Variants in FRMD4B observed in about 807,000 individuals in gnomAD.
FRMD4B encodes the protein FERM domain containing 4B, also known as FERM domain-containing protein 4B.
FRMD4B carries 74 observed loss-of-function variants against 141.5 expected under a neutral mutation model. The observed-to-expected ratio is 0.52, with a 90% CI of 0.43 to 0.63. The LOEUF (loss-of-function observed/expected upper bound fraction) is 0.63. Ranked by LOEUF, FRMD4B falls within the 30% of genes least tolerant of loss-of-function variation. The pLI is 0.00. For missense variants in FRMD4B, 1,366 were observed against 1,253.4 expected (o/e 1.09, Z -1.36); for synonymous variants, 506 against 467.9 (o/e 1.08, Z -1.05).
chr3:69,425,159 G>T (rs963523214), intron 2 of FRMD4B, among the ~76,000 whole-genome samples: 1 of 152,136 alleles, frequency 6.6e-6, no homozygotes, highest in Non-Finnish European at 1.5e-5. Flanking sequence ...GTATTTCCAT[G>T]ATGCCTTCTT....
intron 13 of FRMD4B, chr3:69,196,694 A>C: frequency 1.7e-6 from 1 of 578,714 alleles, no homozygotes. Context: ...CATGCCAAAA[A>C]GTTGGCCAGT....
intron 5 of FRMD4B, among the ~76,000 whole-genome samples, chr3:69,258,280 T>A (rs1378006716): frequency 6.6e-6 from 1 of 151,632 alleles, no homozygotes; most frequent in East Asian, 2.0e-4. Flanking sequence ...TATTCAGTAT[T>A]TAATTTTTTT....
intron 7 of FRMD4B, among the ~76,000 whole-genome samples, chr3:69,226,009 C>A (rs2107764590): frequency 6.6e-6 from 1 of 152,194 alleles, no homozygotes; most frequent in South Asian, 2.1e-4. Context: ...GCATTATTTA[C>A]CTCATGTAAG....
chr3:69,362,663 T>A (rs6774761), intron 1 of FRMD4B, among the ~76,000 whole-genome samples: 2 of 150,148 alleles, frequency 1.3e-5, no homozygotes, highest in African/African-American at 4.9e-5. Context: ...GGTGACAGAG[T>A]GAGACTCCAT....
intron 5 of FRMD4B, among the ~76,000 whole-genome samples, chr3:69,284,318 G>T (rs1418312520): frequency 6.6e-6 from 1 of 152,164 alleles, no homozygotes; most frequent in Admixed American, 6.6e-5. Context: ...TGCATGAAAA[G>T]AAACTACCCA....
intron 1 of FRMD4B, among the ~76,000 whole-genome samples, chr3:69,347,754 G>A (rs554568951): frequency 6.6e-6 from 1 of 152,222 alleles, no homozygotes; most frequent in South Asian, 2.1e-4. Flanking sequence ...ATGAAATGAA[G>A]GCAGAAATAA....
At chr3:69,508,846 C>G (rs543020774) in intron 1 of FRMD4B, among the ~76,000 whole-genome samples, 5 of 152,152 alleles carry the variant, frequency 3.3e-5, no homozygotes, top group Non-Finnish European at 7.3e-5. Flanking sequence ...CTTACAACCA[C>G]CTACAAGGTG....
chr3:69,418,465 C>T (rs1704911206), intron 2 of FRMD4B, among the ~76,000 whole-genome samples: 2 of 152,108 alleles, frequency 1.3e-5, no homozygotes, highest in African/African-American at 4.8e-5. Flanking sequence ...GGTGTCACTC[C>T]TCTGATTAAC....
At chr3:69,208,664 T>C (rs768342400) in intron 11 of FRMD4B, among the ~76,000 whole-genome samples, 10 of 152,152 alleles carry the variant, frequency 6.6e-5, no homozygotes, top group Non-Finnish European at 1.3e-4. Flanking sequence ...GTCCCCTCCC[T>C]GCATCCCATT....
At chr3:69,255,340 AC>A (rs1205307519) in intron 5 of FRMD4B, among the ~76,000 whole-genome samples, 2 of 152,184 alleles carry the variant, frequency 1.3e-5, no homozygotes, top group African/African-American at 4.8e-5. Context: ...AGCTTTTGGT[AC>A]TATTCTTTCA....
At chr3:69,213,304 C>T (rs2093104768) in intron 11 of FRMD4B, among the ~76,000 whole-genome samples, 1 of 149,282 alleles carries the variant, frequency 6.7e-6, no homozygotes, top group Non-Finnish European at 1.5e-5. Context: ...TCCCCTAAAG[C>T]ATTTTTTTGT....
At chr3:69,424,155 T>C (rs1705033352) in intron 2 of FRMD4B, among the ~76,000 whole-genome samples, 1 of 152,240 alleles carries the variant, frequency 6.6e-6, no homozygotes, top group Non-Finnish European at 1.5e-5. Context: ...GGTTATGTAC[T>C]GACTGGCTGA....
At chr3:69,502,952 C>T (rs1706525438) in intron 1 of FRMD4B, among the ~76,000 whole-genome samples, 1 of 152,124 alleles carries the variant, frequency 6.6e-6, no homozygotes, top group Admixed American at 6.5e-5. Flanking sequence ...CATCACTGGC[C>T]ATCAGAAAAA....
intron 11 of FRMD4B, among the ~76,000 whole-genome samples, chr3:69,203,957 C>T (rs1352449670): frequency 1.3e-5 from 2 of 152,180 alleles, no homozygotes; most frequent in African/African-American, 4.8e-5. Flanking sequence ...ACTCAGACTT[C>T]CAATTCTGTG....
At chr3:69,257,013 G>C (rs978494624) in intron 5 of FRMD4B, among the ~76,000 whole-genome samples, 9 of 152,182 alleles carry the variant, frequency 5.9e-5, no homozygotes, top group Non-Finnish European at 8.8e-5. Flanking sequence ...GTGGTAGGCA[G>C]CATCCCTGGC....
At chr3:69,510,631 C>T (rs1706672559) in intron 1 of FRMD4B, among the ~76,000 whole-genome samples, 1 of 152,172 alleles carries the variant, frequency 6.6e-6, no homozygotes, top group African/African-American at 2.4e-5. Flanking sequence ...GGCTACAGAG[C>T]TCTAACAGGC....
chr3:69,462,733 A>G (rs1309416082), intron 1 of FRMD4B, among the ~76,000 whole-genome samples: 1 of 152,244 alleles, frequency 6.6e-6, no homozygotes, highest in Admixed American at 6.5e-5. Context: ...CTTGCTGTAC[A>G]GCCAGGTAGC....
intron 2 of FRMD4B, among the ~76,000 whole-genome samples, chr3:69,420,393 T>A (rs759744013): frequency 3.3e-5 from 5 of 151,896 alleles, no homozygotes; most frequent in Admixed American, 1.3e-4. Flanking sequence ...CATGATCAGA[T>A]TTATTTCTCA....
intron 5 of FRMD4B, among the ~76,000 whole-genome samples, chr3:69,260,021 A>G (rs1324084436): frequency 1.3e-5 from 2 of 152,208 alleles, no homozygotes; most frequent in Non-Finnish European, 2.9e-5. Context: ...CACTCGTCCT[A>G]TGTGAAGATT....
Sources: gnomAD v4.1 joint callset for allele counts (sites outside exome capture counted in the v4.1 genomes callset) on GRCh38, gnomAD v4.1.1 for gene constraint, MANE v1.5 for transcripts, NCBI Gene and HGNC (gene_info 2026-07-23, HGNC 2026-07-21) for gene names.